Variants in ATXN1 observed in about 807,000 individuals in gnomAD.
ATXN1 encodes the protein ataxin-1.
ATXN1 carries 8 observed loss-of-function variants against 56.4 expected under a neutral mutation model. The observed-to-expected ratio is 0.14, with a 90% confidence interval of 0.08 to 0.26. The LOEUF (loss-of-function observed/expected upper bound fraction) is 0.26, where lower values mean the gene tolerates loss of function less well. ATXN1 is among the 10% of genes least tolerant of loss of function. The pLI, the probability that ATXN1 is intolerant of heterozygous loss-of-function variation, is 1.00. For synonymous variants in ATXN1, 514 were observed against 494.6 expected (o/e 1.04, Z -0.52); for missense variants, 987 against 1,106.5 (o/e 0.89, Z 1.53).
intron 3 of ATXN1, among the ~76,000 whole-genome samples, chr6:16,624,458 G>A (rs113688169): frequency 1.1e-4 from 17 of 151,960 alleles, no homozygotes; most frequent in African/African-American, 3.4e-4. Flanking sequence ...TGGTGAAGAC[G>A]GTCAATTTTA....
At chr6:16,367,362 TCACACA>T (rs67144687) in intron 6 of ATXN1, among the ~76,000 whole-genome samples, 19 of 144,542 alleles carry the variant, frequency 1.3e-4, no homozygotes, top group Non-Finnish European at 2.4e-4. Context: ...TCTCTCTCTC[TCACACA>T]CACACACACA....
intron 3 of ATXN1, among the ~76,000 whole-genome samples, chr6:16,648,062 C>T (rs773138385): frequency 2.6e-5 from 4 of 152,092 alleles, no homozygotes; most frequent in South Asian, 2.1e-4. Context: ...GCAACAAGAA[C>T]GAAACTCCAT....
At chr6:16,633,188 T>G (rs999359301) in intron 3 of ATXN1, among the ~76,000 whole-genome samples, 2 of 152,230 alleles carry the variant, frequency 1.3e-5, no homozygotes, top group East Asian at 3.8e-4. Flanking sequence ...GGAGGCATGT[T>G]TCACCTGTTA....
chr6:16,475,239 A>C (rs1760303357), intron 6 of ATXN1, among the ~76,000 whole-genome samples: 1 of 152,196 alleles, frequency 6.6e-6, no homozygotes, highest in Non-Finnish European at 1.5e-5. Flanking sequence ...TACTATATAC[A>C]TGTCAAGGAA....
At chr6:16,725,588 T>C (rs1028237122) in intron 2 of ATXN1, among the ~76,000 whole-genome samples, 11 of 152,178 alleles carry the variant, frequency 7.2e-5, no homozygotes, top group Non-Finnish European at 7.3e-5. Context: ...CCTGTGAAAA[T>C]AGTTTTAAAG....
intron 6 of ATXN1, among the ~76,000 whole-genome samples, chr6:16,476,703 C>T (rs1340977498): frequency 1.3e-5 from 2 of 152,216 alleles, no homozygotes; most frequent in Non-Finnish European, 2.9e-5. Flanking sequence ...TACTTTATCT[C>T]ATACAAAACA....
rs1554138052 is a variant in ATXN1 at position 16,327,678 on chromosome 6, A to ATGCTGCTGCTGCTGCTGC, written c.632_633insGCAGCAGCAGCAGCAGCA (p.Gln210_His211insGlnGlnGlnGlnGlnGln). 5 of 1,011,380 alleles carry ATGCTGCTGCTGCTGCTGC rather than the reference A, an allele frequency of 4.9e-6. No individual in the cohort carries two copies. The highest frequency in any genetic ancestry group is 4.2e-5 in the African/African-American group (2 of 47,432). 62.7% of individuals were successfully genotyped at this position (1,011,380 alleles called of 1,614,324 possible). On this transcript the variant is annotated inframe_insertion, in exon 7 of 8. Coordinates refer to ENST00000436367, the MANE Select transcript of ATXN1 (RefSeq NM_001128164.2). ...GCTGCTGCTGCTGCTGCTGCTGCTG[A>ATGCTGCTGCTGCTGCTGC]TGCTGATGCTGCTGCTGCTGCTGCT...
intron 3 of ATXN1, among the ~76,000 whole-genome samples, chr6:16,600,146 T>C (rs904843447): frequency 6.6e-6 from 1 of 152,210 alleles, no homozygotes; most frequent in Non-Finnish European, 1.5e-5. Flanking sequence ...GTTTAAAAAT[T>C]CCAGTTGACC....
intron 5 of ATXN1, among the ~76,000 whole-genome samples, chr6:16,501,923 A>T (rs1321179056): frequency 6.6e-6 from 1 of 152,158 alleles, no homozygotes; most frequent in African/African-American, 2.4e-5. Flanking sequence ...GGTTGAACTA[A>T]TTTACAGTCC....
chr6:16,611,184 T>A (rs184937212), intron 3 of ATXN1, among the ~76,000 whole-genome samples: 35 of 152,262 alleles, frequency 2.3e-4, no homozygotes, highest in Admixed American at 1.6e-3. Flanking sequence ...TATGTCTATA[T>A]CTAACTTTAA....
At chr6:16,571,212 G>C (rs1466457253) in intron 4 of ATXN1, among the ~76,000 whole-genome samples, 1 of 152,150 alleles carries the variant, frequency 6.6e-6, no homozygotes, top group Non-Finnish European at 1.5e-5. Flanking sequence ...TGAGAATGAA[G>C]GTGACCTGGC....
chr6:16,669,996 G>A (rs1383526402), intron 2 of ATXN1, among the ~76,000 whole-genome samples: 1 of 151,880 alleles, frequency 6.6e-6, no homozygotes, highest in South Asian at 2.1e-4. Context: ...ACCAAGAAAG[G>A]GTAAGCCAAC....
intron 2 of ATXN1, among the ~76,000 whole-genome samples, chr6:16,663,098 A>T (rs1758355287): frequency 6.7e-6 from 1 of 148,838 alleles, no homozygotes; most frequent in African/African-American, 2.5e-5. Context: ...TCAGCCTCCC[A>T]AGCAGCTGGG....
At chr6:16,698,645 A>C (rs959531327) in intron 2 of ATXN1, among the ~76,000 whole-genome samples, 1 of 77,362 alleles carries the variant, frequency 1.3e-5, no homozygotes, top group African/African-American at 7.5e-5. Context: ...AATAACCTCA[A>C]AAATTAAAAA....
intron 2 of ATXN1, among the ~76,000 whole-genome samples, chr6:16,721,649 C>A (rs1386539449): frequency 6.6e-6 from 1 of 152,024 alleles, no homozygotes; most frequent in Non-Finnish European, 1.5e-5. Context: ...TAAATAAATA[C>A]GTACCAGGTA....
intron 2 of ATXN1, among the ~76,000 whole-genome samples, chr6:16,675,121 T>C (rs1356908197): frequency 6.6e-6 from 1 of 152,092 alleles, no homozygotes; most frequent in African/African-American, 2.4e-5. Context: ...TAGGGGGAGG[T>C]GGGTGTCTGT....
chr6:16,618,312 G>A (rs1763257080), intron 3 of ATXN1, among the ~76,000 whole-genome samples: 1 of 152,188 alleles, frequency 6.6e-6, no homozygotes, highest in Non-Finnish European at 1.5e-5. Context: ...CCGAATGCAT[G>A]CAGGGCTTAA....
At chr6:16,439,920 C>T (rs1384286309) in intron 6 of ATXN1, among the ~76,000 whole-genome samples, 2 of 151,574 alleles carry the variant, frequency 1.3e-5, no homozygotes, top group Non-Finnish European at 2.9e-5. Flanking sequence ...ACCAAAAATA[C>T]AAAAATTAGG....
intron 3 of ATXN1, among the ~76,000 whole-genome samples, chr6:16,653,815 C>A (rs1247771483): frequency 6.6e-6 from 1 of 152,208 alleles, no homozygotes; most frequent in Non-Finnish European, 1.5e-5. Flanking sequence ...GGGAATGCAA[C>A]CCTCATGGCT....
Sources: gnomAD v4.1 joint callset for allele counts (sites outside exome capture counted in the v4.1 genomes callset) on GRCh38, gnomAD v4.1.1 for gene constraint, MANE v1.5 for transcripts, NCBI Gene and HGNC (gene_info 2026-07-23, HGNC 2026-07-21) for gene names.